The following TAL1 variants were observed in gnomAD, a reference collection of about 807,000 sequenced individuals.
TAL1 encodes the protein T-cell acute lymphocytic leukemia protein 1.
Under a neutral mutation model 17.9 loss-of-function variants are expected in TAL1, and 8 were observed. That is an observed-to-expected ratio of 0.45 (90% CI 0.26 to 0.81). The LOEUF (loss-of-function observed/expected upper bound fraction) is 0.81, where lower values mean the gene tolerates loss of function less well. TAL1 is among the 30% of genes least tolerant of loss of function. TAL1 has a pLI of 0.17. For synonymous variants in TAL1, 223 were observed against 218.6 expected (o/e 1.02, Z -0.18); for missense variants, 466 against 486.9 (o/e 0.96, Z 0.40).
At chr1:47,217,387 TCA>T (rs143131127) in exon 4 of TAL1, 5,531 of 297,584 alleles carry the variant, frequency 0.019, no homozygotes, top group Non-Finnish European at 0.023. Flanking sequence ...ACACCGTCTC[TCA>T]CACACACACA....
chr1:47,228,918 G>A (rs1643956988), intron 1 of TAL1: 1 of 160,296 alleles, frequency 6.2e-6, no homozygotes. Flanking sequence ...TACCGGCCTT[G>A]GGAAACGTCC....
At chr1:47,225,362 G>A in intron 2 of TAL1, 81 bp downstream of exon 3, 1 of 1,187,300 alleles carries the variant, frequency 8.4e-7, no homozygotes, top group South Asian at 4.4e-5. Context: ...GGCCGCCGCC[G>A]ATGTGTAGAA....
At chr1:47,225,568 C>G in exon 2 of TAL1, 1 of 1,280,994 alleles carries the variant, frequency 7.8e-7, no homozygotes, top group African/African-American at 1.6e-5. Context: ...CCGCTGTAAC[C>G]GAGGCGGGCG....
intron 3 of TAL1, 39 bp from the exon 5 acceptor site, chr1:47,220,213 G>C (rs1300923034): frequency 2.7e-6 from 4 of 1,476,198 alleles, no homozygotes; most frequent in Non-Finnish European, 3.6e-6. Flanking sequence ...GAATGGGCTT[G>C]AGATTCCTTC....
intron 3 of TAL1, among the ~76,000 whole-genome samples, chr1:47,222,501 T>A (rs762884687): frequency 2.6e-5 from 4 of 152,154 alleles, no homozygotes; most frequent in Non-Finnish European, 5.9e-5. Context: ...GTAGTAGCAA[T>A]TCAGCAACAG....
At chr1:47,219,897 G>GGCCCCCCCC in exon 4 of TAL1, 1 of 1,506,184 alleles carries the variant, frequency 6.6e-7, no homozygotes. Flanking sequence ...GGGGCGCGCC[G>GGCCCCCCCC]CCCCCTCCCC....
At chr1:47,225,689 C>A (rs1470904323) in exon 2 of TAL1, 2 of 1,430,268 alleles carry the variant, frequency 1.4e-6, no homozygotes, top group Non-Finnish European at 9.1e-7. Context: ...GGCGCCGCCC[C>A]CACCGGCAGG....
exon 4 of TAL1, chr1:47,216,549 G>C (rs1345078549): frequency 4.3e-6 from 1 of 231,212 alleles, no homozygotes; most frequent in Non-Finnish European, 8.6e-6. Flanking sequence ...CTATGTACAC[G>C]GGCAGGGGGC....
chr1:47,224,196 C>T (rs1338954147), intron 2 of TAL1, 98 bp from the exon 4 acceptor site: 1 of 1,118,370 alleles, frequency 8.9e-7, no homozygotes, highest in Non-Finnish European at 1.3e-6. Flanking sequence ...AGCCCCCCAC[C>T]TCTGGGCAAC....
chr1:47,224,269 C>T (rs1025146916), intron 2 of TAL1, among the ~76,000 whole-genome samples, 171 bp from the exon 4 acceptor site: 8 of 151,792 alleles, frequency 5.3e-5, no homozygotes, highest in African/African-American at 1.5e-4. Flanking sequence ...CACATACACA[C>T]GGAATGCCCT....
In TAL1 at chr1:47,219,894, G is replaced by GGCCCCCCCCCCCCCCCCCC; in HGVS notation, c.821_822insGGGGGGGGGGGGGGGGGGC (p.Ala275GlyfsTer11). The GGCCCCCCCCCCCCCCCCCC allele has an allele frequency of 1.3e-6, 2 of 1,556,010 alleles. No homozygotes were observed. The highest frequency in any genetic ancestry group is 1.7e-6 in the Non-Finnish European group (2 of 1,149,568). On this transcript the variant is annotated frameshift_variant, in exon 4 of 4. Coordinates refer to ENST00000294339, the Ensembl canonical transcript of TAL1. LOFTEE classifies it high-confidence loss of function. Reference sequence around the variant, plus strand: ...CTTGCAGGAGGTCATCTGGGGGCGCGCCGCCCCCTCCCCCACCTCCACCCC... The same window carrying GGCCCCCCCCCCCCCCCCCC: ...CTTGCAGGAGGTCATCTGGGGGCGCGGCCCCCCCCCCCCCCCCCCCCGCCCCCTCCCCCACCTCCACCCC...
chr1:47,220,675 T>C (rs1643771549), intron 3 of TAL1, among the ~76,000 whole-genome samples: 1 of 152,182 alleles, frequency 6.6e-6, no homozygotes, highest in South Asian at 2.1e-4. Flanking sequence ...GTTACATGGG[T>C]CTAGTACCTA....
At chr1:47,225,591 C>T in exon 2 of TAL1, 2 of 1,291,854 alleles carry the variant, frequency 1.5e-6, no homozygotes, top group Non-Finnish European at 1.9e-6. Flanking sequence ...GGGGCCGGGG[C>T]GGGCCCGGGA....
chr1:47,231,111 G>A (rs193166947), upstream of TAL1: 973 of 167,002 alleles, frequency 5.8e-3, 40 homozygotes, highest in Admixed American at 0.052. Context: ...CGAAGGCGCC[G>A]GCCTCGGCGA....
exon 4 of TAL1, chr1:47,219,318 G>T (rs1645562095): frequency 2.0e-6 from 1 of 511,290 alleles, no homozygotes; most frequent in African/African-American, 1.9e-5. Context: ...CAGCCAGCTT[G>T]GGAGGGGCTA....
chr1:47,220,519 T>G (rs886145057), intron 3 of TAL1, among the ~76,000 whole-genome samples: 2 of 152,194 alleles, frequency 1.3e-5, no homozygotes, highest in East Asian at 3.9e-4. Flanking sequence ...CAAGAGGCCT[T>G]ACAGCTATGT....
intron 3 of TAL1, 135 bp downstream of exon 4, chr1:47,223,868 CT>C: frequency 1.2e-6 from 1 of 824,410 alleles, no homozygotes; most frequent in South Asian, 1.6e-5. Context: ...GGGTGAAGGG[CT>C]TCGGCAGTTT....
exon 4 of TAL1, chr1:47,217,636 C>A (rs531399209): frequency 2.5e-6 from 1 of 398,566 alleles, no homozygotes; most frequent in South Asian, 1.3e-4. Context: ...CACACCATAG[C>A]CCTAGGAGAT....
chr1:47,226,621 C>T (rs1179607895), intron 1 of TAL1, among the ~76,000 whole-genome samples: 1 of 152,208 alleles, frequency 6.6e-6, no homozygotes, highest in Non-Finnish European at 1.5e-5. Context: ...GCCCGCCCAG[C>T]GGATCTTTAC....
Sources: gnomAD v4.1 joint callset for allele counts (sites outside exome capture counted in the v4.1 genomes callset) on GRCh38, gnomAD v4.1.1 for gene constraint, MANE v1.5 for transcripts, NCBI Gene and HGNC (gene_info 2026-07-23, HGNC 2026-07-21) for gene names.